The following ZNF610 variants were observed in gnomAD, a reference collection of about 807,000 sequenced individuals.
ZNF610 encodes zinc finger protein 610, also known as zink finger protein.
Under a neutral mutation model 14.1 loss-of-function variants are expected in ZNF610, and 14 were observed. The ratio of observed to expected loss-of-function variants is 0.99; its 90% CI spans 0.65 to 1.55. The LOEUF is 1.55. ZNF610 is among the 40% of genes most tolerant of loss of function. ZNF610 has a pLI of 0.00. For synonymous variants in ZNF610, 185 were observed against 187.6 expected, an observed-to-expected ratio of 0.99 and a Z score of 0.11; for missense variants, 530 against 558.0, an observed-to-expected ratio of 0.95 and a Z score of 0.51.
chr19:52,343,577 G>C (rs1048382187), intron 1 of ZNF610, among the ~76,000 whole-genome samples: 14 of 151,254 alleles, frequency 9.3e-5, no homozygotes, highest in African/African-American at 3.4e-4. Flanking sequence ...AAAAAAAAAT[G>C]TATTTGCTCA....
chr19:52,354,491 C>T, intron 5 of ZNF610, 112 bp downstream of exon 5: 7 of 1,218,496 alleles, frequency 5.7e-6, no homozygotes, highest in Non-Finnish European at 7.9e-6. Flanking sequence ...TAGCTCACTG[C>T]AGCCTCAAAC....
chr19:52,359,019 T>A (rs545337404), intron 5 of ZNF610, among the ~76,000 whole-genome samples: 2 of 152,364 alleles, frequency 1.3e-5, no homozygotes, highest in South Asian at 4.1e-4. Context: ...TCTGCCTTCA[T>A]GGCAGTACAG....
upstream of ZNF610, among the ~76,000 whole-genome samples, chr19:52,334,936 A>ACACACACACACACACACAC (rs1984299564): frequency 2.6e-4 from 11 of 41,534 alleles, no homozygotes; most frequent in South Asian, 8.4e-4. Context: ...CTCAAAAACA[A>ACACACACACACACACACAC]ACACACACAC....
chr19:52,353,737 C>T lies in ZNF610; in HGVS notation c.119C>T (p.Ser40Phe), dbSNP rs762894343. The change falls in exon 4 of 6, where the codon TCC becomes TTC. Residue 40 changes from serine (S) to phenylalanine (F), a missense_variant. Transcript: ENST00000403906. ...AIEFSQEEWKSLDPGQRALYR... is the reference protein window; with the variant it reads ...AIEFSQEEWKFLDPGQRALYR... ...GAATTCTCTCAGGAGGAGTGGAAAT[C>T]CCTGGACCCTGGACAGAGGGCTTTA... 12 of 1,613,752 alleles carry T rather than the reference C, an allele frequency of 7.4e-6. No homozygotes were observed. The African/African-American group carries it at 1.2e-4, about 16-fold the overall frequency.
chr19:52,341,575 T>C (rs1457120198), intron 1 of ZNF610, among the ~76,000 whole-genome samples: 1 of 152,150 alleles, frequency 6.6e-6, no homozygotes, highest in African/African-American at 2.4e-5. Context: ...CCCAAAGTGC[T>C]GGGTTTATAG....
chr19:52,352,782 C>T (rs1298608234), intron 3 of ZNF610, among the ~76,000 whole-genome samples: 1 of 152,056 alleles, frequency 6.6e-6, no homozygotes, highest in Non-Finnish European at 1.5e-5. Flanking sequence ...AAATGCATCC[C>T]ACGTTTACTG....
intron 5 of ZNF610, among the ~76,000 whole-genome samples, chr19:52,362,766 G>A (rs964066532): frequency 1.3e-4 from 20 of 152,054 alleles, no homozygotes; most frequent in African/African-American, 4.8e-4. Flanking sequence ...ATTATAATGG[G>A]AATCAATACT....
chr19:52,342,801 A>G (rs780630315), intron 1 of ZNF610, among the ~76,000 whole-genome samples: 27 of 152,170 alleles, frequency 1.8e-4, no homozygotes, highest in Non-Finnish European at 3.5e-4. Context: ...CTGAGATTAC[A>G]GGCGTGAGCC....
intron 1 of ZNF610, chr19:52,344,970 G>C (rs1444422311): frequency 6.6e-6 from 1 of 152,146 alleles, no homozygotes; most frequent in Non-Finnish European, 1.5e-5. Context: ...TTTTAGTAGA[G>C]ACAGTTTCAC....
chr19:52,342,458 C>G (rs930234351), intron 1 of ZNF610, among the ~76,000 whole-genome samples: 5 of 151,788 alleles, frequency 3.3e-5, no homozygotes, highest in Non-Finnish European at 7.4e-5. Context: ...CACAGCCGAT[C>G]ACTCCCTCTT....
chr19:52,360,650 A>T (rs1272776234), intron 5 of ZNF610, among the ~76,000 whole-genome samples: 1 of 152,116 alleles, frequency 6.6e-6, no homozygotes, highest in African/African-American at 2.4e-5. Flanking sequence ...TTTTTTCTGC[A>T]TCTGATGAGC....
At chr19:52,358,146 A>G (rs1985617818) in intron 5 of ZNF610, among the ~76,000 whole-genome samples, 1 of 152,120 alleles carries the variant, frequency 6.6e-6, no homozygotes, top group Admixed American at 6.6e-5. Flanking sequence ...TGTAGCATAT[A>G]AAGAAATTTC....
chr19:52,334,252 C>T (rs1420906197), upstream of ZNF610, among the ~76,000 whole-genome samples: 8 of 152,132 alleles, frequency 5.3e-5, no homozygotes, highest in Admixed American at 2.0e-4. Context: ...TGGTGGCTCA[C>T]GCCTGTAATC....
At chr19:52,365,087 A>G (rs756062663) in intron 5 of ZNF610, among the ~76,000 whole-genome samples, 26 of 152,118 alleles carry the variant, frequency 1.7e-4, no homozygotes, top group Admixed American at 4.6e-4. Context: ...CTCTACTAAA[A>G]ATACAAAAAA....
At chr19:52,365,637 C>A in intron 5 of ZNF610, 61 bp from the exon 6 acceptor site, 1 of 1,445,342 alleles carries the variant, frequency 6.9e-7, no homozygotes, top group Non-Finnish European at 9.4e-7. Context: ...TCTGGTCCCT[C>A]CACCAGACGG....
intron 1 of ZNF610, among the ~76,000 whole-genome samples, chr19:52,339,690 C>T (rs923920612): frequency 1.3e-5 from 2 of 152,204 alleles, no homozygotes; most frequent in Admixed American, 6.5e-5. Context: ...CTTCTTTCTA[C>T]ATAGACACAG....
At chr19:52,333,247 C>T (rs1268625521), upstream of ZNF610, among the ~76,000 whole-genome samples, 1 of 152,192 alleles carries the variant, frequency 6.6e-6, no homozygotes, top group Non-Finnish European at 1.5e-5. Context: ...AGAAAAAACG[C>T]ATTAGAAGCC....
Position 52,366,739 on chromosome 19 carries a change from A to T in ZNF610, c.1361A>T (p.Asn454Ile). ...CATCGGAAAATTCATGCTGGAGAGA[A>T]TTCACTGCGTACCTTACAGATGGAA... ...SRHRKIHAGE[N>I]SLRTLQME Residue 454 changes from asparagine to isoleucine, a missense_variant, in exon 6 of 6, where the codon AAT (asparagine) becomes ATT (isoleucine). Coordinates refer to ENST00000403906, the MANE Select transcript of ZNF610 (RefSeq NM_001161425.2). 6.2e-7 allele frequency: 1 copy of T among 1,613,984 alleles called. No individual in the cohort carries two copies. Among genetic ancestry groups the T allele is most frequent in the Non-Finnish European group, 8.5e-7 (1 of 1,179,848 alleles).
At chr19:52,360,552 A>G (rs563364473) in intron 5 of ZNF610, among the ~76,000 whole-genome samples, 1 of 152,338 alleles carries the variant, frequency 6.6e-6, no homozygotes, top group African/African-American at 2.4e-5. Context: ...GGCTTTTTAT[A>G]TAAGGCTTCT....
Sources: gnomAD v4.1 joint callset for allele counts (sites outside exome capture counted in the v4.1 genomes callset) on GRCh38, gnomAD v4.1.1 for gene constraint, MANE v1.5 for transcripts, NCBI Gene and HGNC (gene_info 2026-07-23, HGNC 2026-07-21) for gene names.